RPS6KA3: variants seen among roughly 807,000 people sequenced by gnomAD.
RPS6KA3 encodes the protein ribosomal protein S6 kinase alpha-3.
RPS6KA3 carries 4 observed loss-of-function variants against 67.2 expected under a neutral mutation model. That is an observed-to-expected ratio of 0.06 (90% CI 0.03 to 0.14). The LOEUF is 0.14. Among genes scored for constraint, RPS6KA3 ranks in the 10% least tolerant of loss-of-function variants. RPS6KA3 has a pLI of 1.00. For synonymous variants in RPS6KA3, 182 were observed against 183.7 expected, an observed-to-expected ratio of 0.99 and a Z score of 0.07; for missense variants, 204 against 559.0, an observed-to-expected ratio of 0.36 and a Z score of 6.40.
intron 19 of RPS6KA3, among the ~76,000 whole-genome samples, chrX:20,162,113 G>A (rs998137058): frequency 9.1e-6 from 1 of 109,383 alleles, no homozygotes; most frequent in Non-Finnish European, 1.9e-5. Flanking sequence ...CGAGGTGGGC[G>A]GATCACGAGG....
rs2067670387 is a variant in RPS6KA3 at position 20,175,243 on chromosome X, C to T, written c.1148G>A (p.Arg383Gln). Residue 383 changes from arginine (R) to glutamine (Q), a missense_variant, in exon 14 of 22, where the codon CGG becomes CAG. By Grantham distance (43) the Arg-to-Gln change is conservative. Coordinates refer to ENST00000379565, the MANE Select transcript of RPS6KA3 (RefSeq NM_004586.3). ...GGTAATAGCAACAAAACTAAACCCC[C>T]GAAAAAGCTGATGTGCATTAGCACT... Reference protein sequence around the residue: ...PPSANAHQLFRGFSFVAITSD... With the variant: ...PPSANAHQLFQGFSFVAITSD... The T allele has an allele frequency of 8.3e-7, 1 of 1,208,843 alleles. No individual in the cohort carries two copies. The highest frequency in any genetic ancestry group is 1.1e-6 in the Non-Finnish European group (1 of 892,909).
intron 11 of RPS6KA3, 84 bp from the exon 12 acceptor site, chrX:20,176,582 T>C (rs1374396333): frequency 1.2e-5 from 6 of 510,256 alleles, no homozygotes; most frequent in Non-Finnish European, 2.0e-5. Context: ...ACTTGTCTAA[T>C]TAATTAATTA....
In RPS6KA3 at chrX:20,155,248, G is replaced by T; in HGVS notation, c.*150C>A. Reference sequence around the variant, plus strand: ...ACAATCATTTAAAGCGAGAAGAGAGGAAAGCAGGAGCAGCAGCAGGAACAG... The same window carrying T: ...ACAATCATTTAAAGCGAGAAGAGAGTAAAGCAGGAGCAGCAGCAGGAACAG... On this transcript the variant is annotated 3_prime_UTR_variant, in exon 22 of 22. Transcript: ENST00000379565. The T allele has an allele frequency of 1.6e-6, 1 of 631,630 alleles. No individual in the cohort carries two copies. The highest frequency in any genetic ancestry group is 2.6e-6 in the Non-Finnish European group (1 of 379,324). The allele number at this position is 631,630 out of a possible 1,213,427, so 52.1% of individuals were successfully genotyped here.
At chrX:20,263,441 C>T (rs1161642387) in intron 1 of RPS6KA3, among the ~76,000 whole-genome samples, 3 of 112,283 alleles carry the variant, frequency 2.7e-5, no homozygotes, top group Non-Finnish European at 3.8e-5. Context: ...TTATCTTGTA[C>T]CAACCCTTAC....
intron 1 of RPS6KA3, among the ~76,000 whole-genome samples, chrX:20,263,940 T>C (rs1388337066): frequency 9.0e-6 from 1 of 111,491 alleles, no homozygotes; most frequent in Admixed American, 9.5e-5. Context: ...AATATTTTGA[T>C]GTATTCACTC....
intron 21 of RPS6KA3, 67 bp from the exon 22 acceptor site, chrX:20,155,587 A>G: frequency 1.8e-6 from 2 of 1,112,168 alleles, no homozygotes; most frequent in African/African-American, 3.6e-5. Flanking sequence ...CAAATACAAA[A>G]TGAAGAGTTT....
intron 3 of RPS6KA3, among the ~76,000 whole-genome samples, chrX:20,208,529 A>G (rs1272144208): frequency 9.0e-6 from 1 of 110,561 alleles, no homozygotes; most frequent in African/African-American, 3.3e-5. Context: ...CCAGCCTGAG[A>G]AACATGGCGA....
intron 4 of RPS6KA3, among the ~76,000 whole-genome samples, chrX:20,201,093 C>T (rs1296500053): frequency 5.4e-5 from 6 of 111,490 alleles, no homozygotes; most frequent in African/African-American, 2.0e-4. Flanking sequence ...AAGCTATTTC[C>T]GCAGGTTAAT....
intron 1 of RPS6KA3, among the ~76,000 whole-genome samples, chrX:20,243,983 C>G (rs1388069665): frequency 2.7e-5 from 3 of 111,305 alleles, no homozygotes; most frequent in Non-Finnish European, 3.8e-5. Context: ...CCACAAAACA[C>G]AAGAACAGAT....
Position 20,169,386 on chromosome X carries a change from T to TAAAG in RPS6KA3, c.1443+12_1443+15dup, listed in dbSNP as rs755852666. 2.8e-5 allele frequency: 28 copies of TAAAG among 1,000,779 alleles called. 1 individual carries two copies. The highest frequency in any genetic ancestry group is 2.7e-5 in the Non-Finnish European group (19 of 704,032). The allele number at this position is 1,000,779 out of a possible 1,213,427, so 82.5% of individuals were successfully genotyped here. ...GACAACTGATTCAAATGATCCATAT[T>TAAAG]AAAGAATCTACTTACATCCTTTAGA... On this transcript the variant is annotated intron_variant, in intron 16 of 21. Transcript: ENST00000379565.
intron 20 of RPS6KA3, among the ~76,000 whole-genome samples, chrX:20,158,385 A>G (rs866090579): frequency 4.3e-4 from 42 of 96,771 alleles, no homozygotes; most frequent in Admixed American, 2.8e-3. Context: ...AAAAAAAAAA[A>G]AAAGAGAGAG....
chrX:20,229,353 T>C (rs897185327), intron 2 of RPS6KA3, among the ~76,000 whole-genome samples: 17 of 112,233 alleles, frequency 1.5e-4, no homozygotes, highest in Non-Finnish European at 1.9e-5. Context: ...CATAAATTTA[T>C]TATCTCACAG....
rs2067108599 is a variant in RPS6KA3, at chrX:20,151,877, G to A, written c.*3521C>T. ...CTGGGCTTACCTGAGTCCCTTTTCT[G>A]CCGAATACATTCTGCCCTCTCTTGA... is the stretch of plus-strand genomic sequence containing the variant. On this transcript the variant is annotated 3_prime_UTR_variant, in exon 22 of 22. Transcript: ENST00000379565. The A allele has an allele frequency of 9.0e-6, 1 of 111,558 alleles. No individual in the cohort carries two copies. The highest frequency in any genetic ancestry group is 9.6e-5 in the Admixed American group (1 of 10,439). The allele number at this position is 111,558 out of a possible 1,213,427, so 9.2% of individuals were successfully genotyped here.
chrX:20,195,647 G>A (rs1020765558), intron 4 of RPS6KA3, among the ~76,000 whole-genome samples: 1 of 112,226 alleles, frequency 8.9e-6, no homozygotes, highest in African/African-American at 3.2e-5. Flanking sequence ...AAGGAAGCAA[G>A]AGGGAGAGAG....
At chrX:20,178,046 T>C (rs188528199) in intron 10 of RPS6KA3, among the ~76,000 whole-genome samples, 82 of 112,058 alleles carry the variant, frequency 7.3e-4, no homozygotes, top group Admixed American at 1.4e-3. Flanking sequence ...AACAGATCCA[T>C]TTATTATTCA....
rs779875922 is a variant in RPS6KA3, at chrX:20,230,962, A to G, written c.126+3796T>C. Among the ~76,000 whole-genome samples the G allele has an allele frequency of 7.6e-4, 85 of 111,370 alleles. No individual in the cohort carries two copies. The Middle Eastern group carries it at 0.023, about 30-fold the overall frequency. Reference sequence around the variant, plus strand: ...GCACAAGAACTGTATGTAAAAAACTATAACTTTTTTTTTTTCAGACAGGGT... The same window carrying G: ...GCACAAGAACTGTATGTAAAAAACTGTAACTTTTTTTTTTTCAGACAGGGT... On this transcript the variant is annotated intron_variant, in intron 2 of 21. Coordinates refer to ENST00000379565, the MANE Select transcript of RPS6KA3 (RefSeq NM_004586.3).
chrX:20,209,637 C>T (rs2068659763), intron 2 of RPS6KA3, among the ~76,000 whole-genome samples: 1 of 111,698 alleles, frequency 9.0e-6, no homozygotes, highest in African/African-American at 3.3e-5. Context: ...GTTATTATAC[C>T]AGCCTACTAC....
chrX:20,179,307 T>C (rs1168915519), intron 10 of RPS6KA3, among the ~76,000 whole-genome samples: 1 of 111,235 alleles, frequency 9.0e-6, no homozygotes, highest in East Asian at 2.8e-4. Context: ...GGTGAGTAAA[T>C]AGAAACACAG....
intron 20 of RPS6KA3, among the ~76,000 whole-genome samples, chrX:20,158,554 G>A (rs145418662): frequency 0.019 from 2,115 of 109,938 alleles, 50 homozygotes; most frequent in African/African-American, 0.058. Flanking sequence ...ACAGGGATAC[G>A]CAATTGAACA....
Sources: allele counts gnomAD v4.1 joint callset (sites outside exome capture counted in the v4.1 genomes callset), GRCh38; gene constraint gnomAD v4.1.1; transcripts MANE v1.5; gene names NCBI Gene and HGNC (gene_info 2026-07-23, HGNC 2026-07-21).